The following FRMD4A variants were observed in gnomAD, a reference collection of about 807,000 sequenced individuals.
The protein encoded by FRMD4A is FERM domain-containing protein 4A.
Under a neutral mutation model 129.1 loss-of-function variants are expected in FRMD4A, and 29 were observed. The ratio of observed to expected loss-of-function variants is 0.22; its 90% confidence interval spans 0.17 to 0.31. The LOEUF (loss-of-function observed/expected upper bound fraction) is 0.31. FRMD4A is among the 10% of genes least tolerant of loss of function. The pLI is 1.00. For missense variants in FRMD4A, 1,272 were observed against 1,375.8 expected (o/e 0.92, Z 1.19); for synonymous variants, 634 against 571.6 (o/e 1.11, Z -1.56).
At chr10:14,284,241 C>G (rs756149385) in intron 2 of FRMD4A, among the ~76,000 whole-genome samples, 2 of 152,090 alleles carry the variant, frequency 1.3e-5, no homozygotes, top group Non-Finnish European at 2.9e-5. Context: ...TCACAATACC[C>G]ATAATCATCA....
intron 2 of FRMD4A, among the ~76,000 whole-genome samples, chr10:14,047,539 T>G (rs1834040575): frequency 6.6e-6 from 1 of 152,184 alleles, no homozygotes; most frequent in South Asian, 2.1e-4. Context: ...CACCAGCTGA[T>G]TATCAGCTGA....
chr10:14,130,807 G>A (rs1056596952), intron 2 of FRMD4A, among the ~76,000 whole-genome samples: 5 of 152,136 alleles, frequency 3.3e-5, no homozygotes, highest in African/African-American at 9.7e-5. Context: ...GGAATAAGGC[G>A]TTTACATTTA....
intron 2 of FRMD4A, among the ~76,000 whole-genome samples, chr10:13,952,044 G>A (rs1016774167): frequency 2.7e-5 from 4 of 150,580 alleles, no homozygotes; most frequent in African/African-American, 9.7e-5. Context: ...CATTGGGAAG[G>A]GGCTTGTTTC....
chr10:14,005,145 C>T (rs978293614), intron 2 of FRMD4A, among the ~76,000 whole-genome samples: 2 of 152,038 alleles, frequency 1.3e-5, no homozygotes, highest in African/African-American at 4.8e-5. Context: ...GCCACAGCCT[C>T]CTGAGTAGCT....
rs140307929 is a variant in FRMD4A, at chr10:14,128,296, G to T, written c.45+201762C>A. On this transcript the variant is annotated intron_variant, in intron 2 of 24. Coordinates refer to ENST00000357447, the MANE Select transcript of FRMD4A (RefSeq NM_018027.5). ...TTTTTATTTATTTTGTAAAGATAGG[G>T]TTTCACCATTTTGCCCAGGTTGGTC... Among the ~76,000 whole-genome samples the T allele has an allele frequency of 9.0e-3, 1,366 of 151,838 alleles. 17 individuals carry two copies. Among genetic ancestry groups the T allele is most frequent in the African/African-American group, 0.03 (1,226 of 41,368 alleles).
chr10:13,908,309 C>G (rs758872770), intron 2 of FRMD4A, among the ~76,000 whole-genome samples: 7 of 151,790 alleles, frequency 4.6e-5, no homozygotes, highest in Admixed American at 2.6e-4. Flanking sequence ...CATCCTTTTT[C>G]CTTCCCTCCC....
rs1259041135 is a variant in FRMD4A at position 13,821,548 on chromosome 10, G to A, written c.112-10640C>T. On this transcript the variant is annotated intron_variant, in intron 3 of 24. Transcript: ENST00000357447. The surrounding 1 kb of genome is among the most constrained non-coding windows in gnomAD (Gnocchi z 4.3). ...ATCGCTGCAGCAGAACAGCAAAGCT[G>A]CCAACAACACTGCCCACCTGTCCCC... 6.6e-6 allele frequency among the ~76,000 whole-genome samples: 1 copy of A among 152,184 alleles called. No homozygotes were observed.
At chr10:13,871,106 T>C (rs920633207) in intron 2 of FRMD4A, 1 of 161,288 alleles carries the variant, frequency 6.2e-6, no homozygotes, top group Non-Finnish European at 1.4e-5. Flanking sequence ...GATGTTCCTA[T>C]GAAAGGACAT....
intron 2 of FRMD4A, among the ~76,000 whole-genome samples, chr10:13,996,928 T>C (rs1405136379): frequency 6.6e-6 from 1 of 151,750 alleles, no homozygotes; most frequent in African/African-American, 2.4e-5. Context: ...ATTCTGGGAC[T>C]CAGCTGGGTT....
intron 2 of FRMD4A, among the ~76,000 whole-genome samples, chr10:14,228,199 T>C (rs965571511): frequency 1.4e-4 from 22 of 152,296 alleles, no homozygotes; most frequent in African/African-American, 5.3e-4. Context: ...TCATTTTAGA[T>C]TCAAATGTTG....
intron 2 of FRMD4A, among the ~76,000 whole-genome samples, chr10:14,156,992 C>T (rs542911529): frequency 6.6e-6 from 1 of 152,304 alleles, no homozygotes; most frequent in East Asian, 1.9e-4. Context: ...TATTGTATTG[C>T]TGGTTCCCTT....
chr10:13,834,618 C>T (rs149394522), intron 3 of FRMD4A, among the ~76,000 whole-genome samples: 15 of 152,308 alleles, frequency 9.8e-5, no homozygotes, highest in Middle Eastern at 6.8e-3. Flanking sequence ...TCCCTCGGGG[C>T]AGAGGGAAGA....
chr10:13,737,786 A>G, intron 12 of FRMD4A, 58 bp downstream of exon 12: 1 of 934,422 alleles, frequency 1.1e-6, no homozygotes, highest in South Asian at 1.3e-5. Context: ...AGTGACTCCT[A>G]CGCCTGTTCC....
chr10:14,020,544 C>T (rs1230208377), intron 2 of FRMD4A, among the ~76,000 whole-genome samples: 3 of 152,198 alleles, frequency 2.0e-5, no homozygotes, highest in Non-Finnish European at 2.9e-5. Flanking sequence ...AGAGGACACA[C>T]TGGCCTATAG....
intron 2 of FRMD4A, among the ~76,000 whole-genome samples, chr10:14,216,511 T>C (rs968361994): frequency 2.6e-5 from 4 of 152,094 alleles, no homozygotes; most frequent in Non-Finnish European, 4.4e-5. Flanking sequence ...TCTCTAAAAA[T>C]AAAGAAAATT....
At position 14,330,135 on chromosome 10, in the gene FRMD4A, C is replaced by G. The variant is rs199665770; in HGVS notation, c.-33G>C. 3.7e-5 allele frequency: 58 copies of G among 1,550,330 alleles called. No homozygotes were observed. Among genetic ancestry groups the G allele is most frequent in the Non-Finnish European group, 5.0e-5 (57 of 1,146,370 alleles). ...GATTCCCATGCACGAATCCTGCTGC[C>G]GAGTCAGTCCTCCTGGGCCCCGGGT... is the stretch of plus-strand genomic sequence containing the variant. On this transcript the variant is annotated 5_prime_UTR_variant, in exon 2 of 25. Coordinates refer to ENST00000357447, the MANE Select transcript of FRMD4A (RefSeq NM_018027.5).
rs567024348 is a variant in FRMD4A at position 13,686,598 on chromosome 10, G to A, written c.1117+7300C>T. 7.2e-5 allele frequency among the ~76,000 whole-genome samples: 11 copies of A among 152,274 alleles called. 1 individual carries two copies. The South Asian group carries it at 2.3e-3, about 32-fold the overall frequency. ...CAGAACAGAAAGTGTCAGAGCCAGG[G>A]TACAATGACAGACTGCAAGTTTTGT... On this transcript the variant is annotated intron_variant, in intron 15 of 24. Transcript: ENST00000357447.
chr10:14,162,630 G>GTTTTATTTTTGTTTTTTTTTT (rs1840952714), intron 2 of FRMD4A, among the ~76,000 whole-genome samples: 1 of 117,312 alleles, frequency 8.5e-6, no homozygotes, highest in Non-Finnish European at 1.7e-5. Flanking sequence ...GAGTTTCTCT[G>GTTTTATTTTTGTTTTTTTTTT]TTTTTTTTTT....
chr10:14,199,581 G>C (rs1412659848), intron 2 of FRMD4A, among the ~76,000 whole-genome samples: 1 of 152,044 alleles, frequency 6.6e-6, no homozygotes. Flanking sequence ...GTAGAGACAG[G>C]GTTTTGCCAT....
Sources: allele counts gnomAD v4.1 joint callset (sites outside exome capture counted in the v4.1 genomes callset), GRCh38; gene constraint gnomAD v4.1.1; non-coding constraint Gnocchi (gnomAD v3.1); transcripts MANE v1.5; gene names NCBI Gene and HGNC (gene_info 2026-07-23, HGNC 2026-07-21).